Variants in ANLN observed in about 807,000 individuals in gnomAD.
ANLN encodes anillin.
A neutral mutation model predicts 135.1 loss-of-function variants in ANLN; 59 were observed. The observed-to-expected ratio is 0.44, with a 90% CI of 0.35 to 0.54. The LOEUF is 0.54. Among genes scored for constraint, ANLN ranks in the 20% least tolerant of loss-of-function variants. ANLN has a pLI of 0.00. For missense variants in ANLN, 1,182 were observed against 1,340.0 expected, an observed-to-expected ratio of 0.88 and a Z score of 1.84; for synonymous variants, 406 against 456.4, an observed-to-expected ratio of 0.89 and a Z score of 1.41.
intron 7 of ANLN, among the ~76,000 whole-genome samples, chr7:36,412,306 AATATAT>A (rs60215077): frequency 9.7e-6 from 1 of 102,678 alleles, no homozygotes; most frequent in Non-Finnish European, 1.9e-5. Context: ...CTGCCAGAGA[AATATAT>A]ATATATATAT....
At position 36,417,167 on chromosome 7, in the gene ANLN, A is replaced by G; in HGVS notation, c.1610A>G (p.Asp537Gly). 1.2e-6 allele frequency: 2 copies of G among 1,605,608 alleles called. No homozygotes were observed. Among genetic ancestry groups the G allele is most frequent in the Non-Finnish European group, 1.7e-6 (2 of 1,176,166 alleles). ...GACAAATCCTTAAAAGTAACATCAG[A>G]CCCAAAGGTTGAGCAGAAAATTGGT... Reference protein sequence around the residue: ...EEDKSLKVTSDPKVEQKIEVI... With the variant: ...EEDKSLKVTSGPKVEQKIEVI... The change falls in exon 9 of 24, where the codon GAC (aspartate) becomes GGC (glycine). Residue 537 changes from aspartate to glycine, a missense_variant. Asp to Gly is a moderately conservative substitution (Grantham distance 94). This residue lies in a region of ANLN where 1,022 missense variants were observed against 1,134.0 expected (regional missense o/e 0.90). Coordinates refer to ENST00000265748, the MANE Select transcript of ANLN (RefSeq NM_018685.5).
rs567115961 is a variant in ANLN at position 36,452,901 on chromosome 7, G to C, written c.*301G>C. 4 of 193,048 alleles carry C rather than the reference G, an allele frequency of 2.1e-5. No individual in the cohort carries two copies. Among genetic ancestry groups the C allele is most frequent in the Admixed American group, 5.7e-5 (1 of 17,396 alleles). 12.0% of individuals were successfully genotyped at this position (193,048 alleles called of 1,614,324 possible). A position where few individuals can be genotyped will look rare whatever the true frequency, so the allele number is the denominator to read the frequency against. ...CATGACAATATTTTTTTAAAAGTAA[G>C]AAATTCTGAGTTGTCTTCTTGGAGC... On this transcript the variant is annotated 3_prime_UTR_variant, in exon 24 of 24. Coordinates refer to ENST00000265748, the MANE Select transcript of ANLN (RefSeq NM_018685.5).
intron 20 of ANLN, among the ~76,000 whole-genome samples, chr7:36,433,046 G>C (rs1691991994): frequency 6.6e-6 from 1 of 152,132 alleles, no homozygotes; most frequent in African/African-American, 2.4e-5. Context: ...GAACTCCTGG[G>C]CTCAAGCCAT....
intron 22 of ANLN, 54 bp downstream of exon 22, chr7:36,443,916 T>C: frequency 1.6e-6 from 2 of 1,269,540 alleles, no homozygotes; most frequent in South Asian, 2.7e-5. Context: ...TTTCGTGTAG[T>C]GTTCATGCAA....
intron 22 of ANLN, among the ~76,000 whole-genome samples, chr7:36,447,417 CTTTTTT>C (rs978030270): frequency 9.4e-6 from 1 of 105,870 alleles, no homozygotes; most frequent in African/African-American, 3.5e-5. Context: ...AGCAGTTGAT[CTTTTTT>C]TTTTTTTTTT....
chr7:36,413,136 G>A (rs73106327), intron 7 of ANLN, among the ~76,000 whole-genome samples: 30,477 of 144,756 alleles, frequency 0.21, 3,372 homozygotes, highest in East Asian at 0.3. Context: ...GAAGAAATGC[G>A]TTTGCTGATC....
chr7:36,445,991 A>T (rs1248867187), intron 22 of ANLN, among the ~76,000 whole-genome samples: 1 of 152,218 alleles, frequency 6.6e-6, no homozygotes, highest in Non-Finnish European at 1.5e-5. Flanking sequence ...TTCTAAGCAT[A>T]AGAGTGTGTA....
intron 20 of ANLN, among the ~76,000 whole-genome samples, chr7:36,437,340 G>T (rs1447896471): frequency 6.6e-6 from 1 of 150,524 alleles, no homozygotes; most frequent in African/African-American, 2.4e-5. Context: ...CTCAAAGTTT[G>T]TTCATGTTGT....
chr7:36,422,085 C>CT, intron 13 of ANLN, 93 bp downstream of exon 13: 3 of 1,397,396 alleles, frequency 2.1e-6, no homozygotes, highest in Non-Finnish European at 2.9e-6. Flanking sequence ...AGAGAAAGGG[C>CT]TTTTCCTAGT....
At chr7:36,435,272 G>A (rs749536787) in intron 20 of ANLN, among the ~76,000 whole-genome samples, 4 of 152,024 alleles carry the variant, frequency 2.6e-5, no homozygotes, top group Admixed American at 6.5e-5. Context: ...GCCACTACAG[G>A]CAACCATTCT....
At position 36,410,517 on chromosome 7, in the gene ANLN, G is replaced by A. The variant is rs746387680; in HGVS notation, c.1100G>A (p.Gly367Glu). ...AAAATGTGTGTGTTTTCTGTAGGAG[G>A]AACAGGAATTAAGCCTTTCCTGGAA... Reference protein sequence around the residue: ...QSKDKSTTPGGTGIKPFLERF... With the variant: ...QSKDKSTTPGETGIKPFLERF... Residue 367 changes from glycine to glutamate, a missense_variant, in exon 6 of 24, where the codon GGA becomes GAA. Gly to Glu is a moderately conservative substitution (Grantham distance 98, BLOSUM62 -2). This residue lies in a region of ANLN where 1,022 missense variants were observed against 1,134.0 expected (regional missense o/e 0.90). Coordinates refer to ENST00000265748, the MANE Select transcript of ANLN (RefSeq NM_018685.5). The A allele has an allele frequency of 1.3e-6, 2 of 1,595,874 alleles. No homozygotes were observed. Among genetic ancestry groups the A allele is most frequent in the East Asian group, 4.5e-5 (2 of 44,682 alleles).
intron 7 of ANLN, among the ~76,000 whole-genome samples, chr7:36,411,888 A>G (rs1787428421): frequency 6.6e-6 from 1 of 152,002 alleles, no homozygotes; most frequent in Admixed American, 6.6e-5. Context: ...CTGTCCACAT[A>G]CCTAGATTCC....
intron 20 of ANLN, chr7:36,428,497 A>G: frequency 2.8e-6 from 1 of 355,780 alleles, no homozygotes. Flanking sequence ...TTATTCTATC[A>G]TGAGACTCTT....
rs773128903 is a variant in ANLN, at chr7:36,389,943, G to A, written c.-84G>A. ...GCCTCAGACTCCTGGTTTTTTCCAG[G>A]AGACACACTGAGCTGAGACTCACTT... is the stretch of plus-strand genomic sequence containing the variant. On this transcript the variant is annotated 5_prime_UTR_variant, in exon 1 of 24. Coordinates refer to ENST00000265748, the MANE Select transcript of ANLN (RefSeq NM_018685.5). The A allele has an allele frequency of 5.6e-6, 9 of 1,613,096 alleles. No individual in the cohort carries two copies. The highest frequency in any genetic ancestry group is 1.1e-5 in the South Asian group (1 of 91,048).
chr7:36,428,328 C>T lies in ANLN; in HGVS notation c.2883+1300C>T, dbSNP rs184053462. 55 of 1,280,902 alleles carry T rather than the reference C, an allele frequency of 4.3e-5. 1 individual carries two copies. The East Asian group carries it at 2.4e-3, about 57-fold the overall frequency. 79.3% of individuals were successfully genotyped at this position (1,280,902 alleles called of 1,614,324 possible). A position where few individuals can be genotyped will look rare whatever the true frequency, so the allele number is the denominator to read the frequency against. ...TTAGATAAATTATGATGTAAGAGAG[C>T]GAGAGCTACTGGGCTATTTGTTCCA... On this transcript the variant is annotated intron_variant, in intron 20 of 23. Coordinates refer to ENST00000265748, the MANE Select transcript of ANLN (RefSeq NM_018685.5).
chr7:36,452,101 G>A (rs1781449388), intron 23 of ANLN, among the ~76,000 whole-genome samples: 1 of 152,184 alleles, frequency 6.6e-6, no homozygotes, highest in Non-Finnish European at 1.5e-5. Flanking sequence ...TATATTGGGA[G>A]TGCCCATATT....
chr7:36,425,991 T>C, intron 18 of ANLN, 24 bp from the exon 19 acceptor site: 1 of 1,490,662 alleles, frequency 6.7e-7, no homozygotes, highest in Admixed American at 2.3e-5. Context: ...TGTTTCTTCT[T>C]CACACCTTTT....
At position 36,396,799 on chromosome 7, in the gene ANLN, G is replaced by A. The variant is rs539447316; in HGVS notation, c.172+380G>A. Among the ~76,000 whole-genome samples the A allele has an allele frequency of 2.6e-5, 4 of 152,184 alleles. No homozygotes were observed. The South Asian group carries it at 6.2e-4, about 24-fold the overall frequency. On this transcript the variant is annotated intron_variant, in intron 2 of 23. Coordinates refer to ENST00000265748, the MANE Select transcript of ANLN (RefSeq NM_018685.5). ...GCCACTGAGTTTGGGTGGTGTCTCC[G>A]GTACCAGCAAGGCAATGGAAGGCAC...
At chr7:36,447,149 G>C (rs1789036241) in intron 22 of ANLN, among the ~76,000 whole-genome samples, 1 of 152,124 alleles carries the variant, frequency 6.6e-6, no homozygotes, top group Admixed American at 6.5e-5. Flanking sequence ...GGTAACTTTT[G>C]CAGTTGGAGA....
Sources: gnomAD v4.1 joint callset for allele counts (sites outside exome capture counted in the v4.1 genomes callset) on GRCh38, gnomAD v4.1.1 for gene constraint, gnomAD v4.1.1 regional missense constraint, MANE v1.5 for transcripts, NCBI Gene and HGNC (gene_info 2026-07-23, HGNC 2026-07-21) for gene names.